CT55: variants seen among roughly 807,000 people sequenced by gnomAD.
CT55 encodes the protein BRCA2-interacting protein.
Under a neutral mutation model 12.6 loss-of-function variants are expected in CT55, and 1 was observed. That is an observed-to-expected ratio of 0.08 (90% confidence interval 0.03 to 0.38). CT55 has a LOEUF of 0.38. Ranked by LOEUF, CT55 falls within the 10% of genes least tolerant of loss-of-function variation. The probability of loss-of-function intolerance (pLI) is 0.99; values close to 1 mark genes in which losing one functional copy is unlikely to be tolerated. For synonymous variants in CT55, 43 were observed against 49.7 expected (o/e 0.87, Z 0.57); for missense variants, 109 against 135.4 (o/e 0.80, Z 0.97).
At chrX:135,161,269 A>C (rs1471489967) in intron 2 of CT55, among the ~76,000 whole-genome samples, 1 of 111,712 alleles carries the variant, frequency 9.0e-6, no homozygotes, top group Admixed American at 9.5e-5. Flanking sequence ...ATAATCCTTA[A>C]AACTTACAAA....
intron 3 of CT55, among the ~76,000 whole-genome samples, chrX:135,158,762 G>A (rs1393604988): frequency 8.9e-6 from 1 of 112,461 alleles, no homozygotes; most frequent in Non-Finnish European, 1.9e-5. Context: ...TCTATAAAAT[G>A]AGAAGCACAG....
chrX:135,161,644 C>T (rs781865224), intron 2 of CT55, among the ~76,000 whole-genome samples: 1 of 112,501 alleles, frequency 8.9e-6, no homozygotes, highest in Non-Finnish European at 1.9e-5. Flanking sequence ...ATTTGGACTA[C>T]TTGCCTGACT....
chrX:135,165,226 A>G (rs1556405783), intron 2 of CT55, among the ~76,000 whole-genome samples: 1 of 112,339 alleles, frequency 8.9e-6, no homozygotes, highest in Non-Finnish European at 1.9e-5. Flanking sequence ...AATAACATCA[A>G]ATCAGTTCTC....
At position 135,169,582 on chromosome X, in the gene CT55, T is replaced by C; in HGVS notation, c.279+12A>G. On this transcript the variant is annotated intron_variant, in intron 2 of 5. Coordinates refer to ENST00000276241, the MANE Select transcript of CT55 (RefSeq NM_001031705.3). ...GGATAAGACACAATTCCCAAACTCA[T>C]GCACATCTCACCTTGATTGCTCTCA... 4.2e-6 allele frequency: 5 copies of C among 1,182,640 alleles called. No individual in the cohort carries two copies. Among genetic ancestry groups the C allele is most frequent in the Non-Finnish European group, 5.7e-6 (5 of 876,125 alleles).
chrX:135,169,097 A>G (rs2083599325), intron 2 of CT55, among the ~76,000 whole-genome samples: 1 of 112,417 alleles, frequency 8.9e-6, no homozygotes, highest in Non-Finnish European at 1.9e-5. Context: ...TAATTTCATA[A>G]TAGCCACTGA....
At chrX:135,161,985 C>A (rs1327296274) in intron 2 of CT55, among the ~76,000 whole-genome samples, 1 of 112,849 alleles carries the variant, frequency 8.9e-6, no homozygotes, top group South Asian at 3.7e-4. Flanking sequence ...CAGACTAAAG[C>A]TTTGCCCATG....
At position 135,158,172 on chromosome X, in the gene CT55, T is replaced by G. The variant is rs200464944; in HGVS notation, c.537+27A>C. Reference sequence around the variant, plus strand: ...CAAAGGAAGAGTTAGCAGAAACTGCTGACGGGAGCAACAGGAAAGAAATTA... The same window carrying G: ...CAAAGGAAGAGTTAGCAGAAACTGCGGACGGGAGCAACAGGAAAGAAATTA... On this transcript the variant is annotated intron_variant, in intron 4 of 5. Coordinates refer to ENST00000276241, the MANE Select transcript of CT55 (RefSeq NM_001031705.3). 2.9e-5 allele frequency: 28 copies of G among 982,179 alleles called. No individual in the cohort carries two copies. The African/African-American group carries it at 4.2e-4, about 15-fold the overall frequency. 80.9% of individuals were successfully genotyped at this position (982,179 alleles called of 1,213,427 possible). A position where few individuals can be genotyped will look rare whatever the true frequency, so the allele number is the denominator to read the frequency against.
At chrX:135,166,254 T>C (rs1421405864) in intron 2 of CT55, among the ~76,000 whole-genome samples, 1 of 110,692 alleles carries the variant, frequency 9.0e-6, no homozygotes, top group African/African-American at 3.3e-5. Context: ...AAAAAATCAT[T>C]CACCATGTTC....
intron 2 of CT55, among the ~76,000 whole-genome samples, chrX:135,160,940 T>A (rs1397653294): frequency 6.3e-5 from 7 of 111,479 alleles, no homozygotes; most frequent in African/African-American, 2.3e-4. Flanking sequence ...CTGTGAATTA[T>A]CTAGAGGGAG....
intron 2 of CT55, among the ~76,000 whole-genome samples, chrX:135,167,245 G>A (rs1556406160): frequency 1.8e-5 from 2 of 111,324 alleles, no homozygotes; most frequent in Admixed American, 1.9e-4. Flanking sequence ...GTATAAAAAC[G>A]GACACATCAA....
chrX:135,160,275 T>C (rs1322641331), intron 3 of CT55, 136 bp downstream of exon 3: 4 of 617,773 alleles, frequency 6.5e-6, no homozygotes, highest in Admixed American at 9.8e-5. Flanking sequence ...CTGTACTTAA[T>C]TTCGATTGGA....
intron 2 of CT55, among the ~76,000 whole-genome samples, chrX:135,165,631 A>G (rs1376233204): frequency 1.8e-5 from 2 of 111,459 alleles, no homozygotes; most frequent in African/African-American, 6.5e-5. Context: ...TCAATGAAAC[A>G]ATGACTTGGT....
upstream of CT55, among the ~76,000 whole-genome samples, chrX:135,171,749 A>G (rs1278295694): frequency 9.0e-6 from 1 of 111,571 alleles, no homozygotes; most frequent in Non-Finnish European, 1.9e-5. Context: ...CCAGGGATCA[A>G]TTTTGTGGAG....
intron 2 of CT55, among the ~76,000 whole-genome samples, chrX:135,164,024 GTC>G (rs2083573013): frequency 1.8e-5 from 2 of 111,859 alleles, no homozygotes; most frequent in South Asian, 7.5e-4. Flanking sequence ...CACCGCAACT[GTC>G]TTACAAGAAA....
rs41300926 is a variant in CT55 at position 135,171,289 on chromosome X, C to T, written c.-118G>A. 51,633 of 1,111,801 alleles carry T rather than the reference C, an allele frequency of 0.046. 1,016 individuals are homozygous for T. Among genetic ancestry groups the T allele is most frequent in the Non-Finnish European group, 0.054 (45,179 of 839,710 alleles). 91.6% of individuals were successfully genotyped at this position (1,111,801 alleles called of 1,213,427 possible). On this transcript the variant is annotated 5_prime_UTR_variant, in exon 1 of 6. Transcript: ENST00000276241. ...CCTCAGGGACTCACTTCCTGCTTCT[C>T]CTCAGACACTGTGGCATGGGACCCA...
At chrX:135,160,990 G>A (rs1247561352) in intron 2 of CT55, among the ~76,000 whole-genome samples, 1 of 110,595 alleles carries the variant, frequency 9.0e-6, no homozygotes, top group Non-Finnish European at 1.9e-5. Flanking sequence ...ATTGTTTAGG[G>A]GAAGTCAGAT....
chrX:135,168,582 G>A (rs782700370), intron 2 of CT55, among the ~76,000 whole-genome samples: 1 of 111,432 alleles, frequency 9.0e-6, no homozygotes, highest in South Asian at 3.8e-4. Context: ...ATGTTGTTGG[G>A]GGAGGGGACA....
chrX:135,159,507 C>G (rs1306308087), intron 3 of CT55, among the ~76,000 whole-genome samples: 7 of 111,353 alleles, frequency 6.3e-5, no homozygotes, highest in African/African-American at 2.3e-4. Context: ...GACTCATTTT[C>G]CCTCCACAAC....
chrX:135,160,401 T>C lies in CT55; in HGVS notation c.424+10A>G, dbSNP rs2083557686. 8.7e-7 allele frequency: 1 copy of C among 1,148,252 alleles called. No homozygotes were observed. Among genetic ancestry groups the C allele is most frequent in the Non-Finnish European group, 1.2e-6 (1 of 862,802 alleles). The allele number at this position is 1,148,252 out of a possible 1,213,427, so 94.6% of individuals were successfully genotyped here. A position where few individuals can be genotyped will look rare whatever the true frequency, so the allele number is the denominator to read the frequency against. ...GAATTACATCATATATTTCAAAATA[T>C]AAATCATACCTTCAGAAACAATGGC... is the stretch of plus-strand genomic sequence containing the variant. On this transcript the variant is annotated intron_variant, in intron 3 of 5. Transcript: ENST00000276241.
Sources: allele counts gnomAD v4.1 joint callset (sites outside exome capture counted in the v4.1 genomes callset), GRCh38; gene constraint gnomAD v4.1.1; transcripts MANE v1.5; gene names NCBI Gene and HGNC (gene_info 2026-07-23, HGNC 2026-07-21).